DOK6: variants seen among roughly 807,000 people sequenced by gnomAD.
DOK6 encodes the protein docking protein 6.
Under a neutral mutation model 44.0 loss-of-function variants are expected in DOK6, and 22 were observed. The ratio of observed to expected loss-of-function variants is 0.50; its 90% CI spans 0.36 to 0.71. The LOEUF is 0.71. Ranked by LOEUF, DOK6 falls within the 30% of genes least tolerant of loss-of-function variation. DOK6 has a pLI of 0.00. For synonymous variants in DOK6, 166 were observed against 145.5 expected (o/e 1.14, Z -1.01); for missense variants, 340 against 416.4 (o/e 0.82, Z 1.60).
chr18:69,425,807 C>G (rs750514472), intron 1 of DOK6, among the ~76,000 whole-genome samples: 4 of 151,958 alleles, frequency 2.6e-5, no homozygotes, highest in Non-Finnish European at 4.4e-5. Flanking sequence ...CTTTATTTCA[C>G]TATCTGTATA....
intron 1 of DOK6, among the ~76,000 whole-genome samples, chr18:69,515,873 A>G (rs1473941403): frequency 6.9e-6 from 1 of 145,450 alleles, no homozygotes; most frequent in African/African-American, 2.5e-5. Flanking sequence ...AGGATGTTTC[A>G]GCATTTTCAA....
chr18:69,560,628 T>C (rs1269213196), intron 1 of DOK6, among the ~76,000 whole-genome samples: 1 of 152,140 alleles, frequency 6.6e-6, no homozygotes, highest in Non-Finnish European at 1.5e-5. Flanking sequence ...AAAGTACATG[T>C]AAATACCCAT....
chr18:69,495,611 A>G (rs1387063422), intron 1 of DOK6, among the ~76,000 whole-genome samples: 1 of 152,138 alleles, frequency 6.6e-6, no homozygotes, highest in Non-Finnish European at 1.5e-5. Context: ...AGGCACCACA[A>G]GTTCCCACTC....
At chr18:69,478,516 G>C (rs959562847) in intron 1 of DOK6, among the ~76,000 whole-genome samples, 9 of 151,844 alleles carry the variant, frequency 5.9e-5, no homozygotes, top group African/African-American at 2.2e-4. Context: ...AATAGTTAAT[G>C]TTCTAGTTTC....
chr18:69,679,855 T>G (rs1813272306), intron 4 of DOK6, among the ~76,000 whole-genome samples: 1 of 152,142 alleles, frequency 6.6e-6, no homozygotes, highest in African/African-American at 2.4e-5. Flanking sequence ...TAAAGAGAAA[T>G]TTTTAATATA....
Position 69,564,513 on chromosome 18 carries a change from C to G in DOK6, c.93C>G (p.Phe31Leu). The G allele has an allele frequency of 1.2e-6, 2 of 1,613,760 alleles. No individual in the cohort carries two copies. Among genetic ancestry groups the G allele is most frequent in the South Asian group, 1.1e-5 (1 of 91,000 alleles). ...LGIFRRCWLV[F>L]KKASSKGPRR... The stretch of plus-strand genomic sequence containing the variant: ...TTTTCAGACGATGCTGGTTGGTTTT[C>G]AAGAAGGCTTCTAGCAAAGGACCCA... Residue 31 changes from phenylalanine to leucine, a missense_variant, in exon 2 of 8, where the codon TTC becomes TTG. Around this residue, in one of 3 missense-constraint regions of DOK6, gnomAD observed 206 missense variants for 258.6 expected, o/e 0.80. Transcript: ENST00000382713.
chr18:69,499,078 C>T (rs559982069), intron 1 of DOK6, among the ~76,000 whole-genome samples: 5 of 152,112 alleles, frequency 3.3e-5, no homozygotes, highest in South Asian at 2.1e-4. Context: ...TATTACATTT[C>T]GCAATGGTAT....
At chr18:69,774,158 T>TATATATATATATATATATATAAA (rs1979990471) in intron 7 of DOK6, among the ~76,000 whole-genome samples, 2 of 36,212 alleles carry the variant, frequency 5.5e-5, no homozygotes, top group Non-Finnish European at 2.2e-4. Context: ...ATATATATAA[T>TATATATATATATATATATATAAA]GTAATACTAC....
intron 5 of DOK6, among the ~76,000 whole-genome samples, chr18:69,718,313 G>A (rs573097511): frequency 3.3e-5 from 5 of 152,188 alleles, no homozygotes; most frequent in African/African-American, 9.6e-5. Flanking sequence ...TATTAAACTC[G>A]GATCCTAAGT....
At chr18:69,444,341 T>C (rs1948549046) in intron 1 of DOK6, among the ~76,000 whole-genome samples, 1 of 152,154 alleles carries the variant, frequency 6.6e-6, no homozygotes, top group Non-Finnish European at 1.5e-5. Flanking sequence ...TAAAGAAACG[T>C]TGTGGATGTA....
At chr18:69,506,890 CAT>C (rs1300179273) in intron 1 of DOK6, among the ~76,000 whole-genome samples, 2 of 151,644 alleles carry the variant, frequency 1.3e-5, no homozygotes, top group South Asian at 2.1e-4. Context: ...CACACACACA[CAT>C]ATGTACATAT....
At chr18:69,770,769 C>G (rs1304195071) in intron 7 of DOK6, among the ~76,000 whole-genome samples, 1 of 152,020 alleles carries the variant, frequency 6.6e-6, no homozygotes, top group East Asian at 1.9e-4. Flanking sequence ...CTCATTTCAA[C>G]TTCTTTAGAA....
At chr18:69,726,449 C>G (rs867257574) in intron 5 of DOK6, among the ~76,000 whole-genome samples, 30 of 152,212 alleles carry the variant, frequency 2.0e-4, no homozygotes, top group African/African-American at 7.0e-4. Context: ...TTGTTAGCCT[C>G]CAAATTCAAA....
At chr18:69,700,478 C>T (rs1295268581) in intron 5 of DOK6, among the ~76,000 whole-genome samples, 1 of 151,986 alleles carries the variant, frequency 6.6e-6, no homozygotes, top group African/African-American at 2.4e-5. Context: ...ATTTTCACTC[C>T]ATTTATACCT....
In DOK6 at chr18:69,848,849, T is replaced by G. The variant is rs977347031; in HGVS notation, c.*7466T>G. 1.3e-5 allele frequency: 2 copies of G among 152,238 alleles called. No homozygotes were observed. Among genetic ancestry groups the G allele is most frequent in the African/African-American group, 4.8e-5 (2 of 41,470 alleles). The allele number at this position is 152,238 out of a possible 1,614,324, so 9.4% of individuals were successfully genotyped here. A position where few individuals can be genotyped will look rare whatever the true frequency, so the allele number is the denominator to read the frequency against. ...TACTACTTTACATCACAACTTTGCA[T>G]GGCTGAGATTTTGAACAACTAAATT... On this transcript the variant is annotated 3_prime_UTR_variant, in exon 8 of 8. Transcript: ENST00000382713.
intron 7 of DOK6, among the ~76,000 whole-genome samples, chr18:69,758,666 A>G (rs1255600607): frequency 3.9e-5 from 6 of 152,260 alleles, no homozygotes; most frequent in Non-Finnish European, 8.8e-5. Flanking sequence ...AATAAGGCTG[A>G]AACACACACA....
At chr18:69,841,142 C>G in intron 7 of DOK6, 102 bp from the exon 8 acceptor site, 2 of 1,452,206 alleles carry the variant, frequency 1.4e-6, no homozygotes, top group Non-Finnish European at 1.9e-6. Context: ...GTTTATTGTT[C>G]TTAAAAATAT....
intron 7 of DOK6, among the ~76,000 whole-genome samples, chr18:69,792,787 T>G (rs2145098841): frequency 6.6e-6 from 1 of 152,216 alleles, no homozygotes; most frequent in East Asian, 1.9e-4. Context: ...CTTTGAACCT[T>G]GTAATTGCAA....
chr18:69,470,094 C>T (rs1374586412), intron 1 of DOK6: 1 of 159,594 alleles, frequency 6.3e-6, no homozygotes, highest in African/African-American at 2.4e-5. Context: ...CATTATGATC[C>T]TTTCCGGCTG....
Sources: gnomAD v4.1 joint callset for allele counts (sites outside exome capture counted in the v4.1 genomes callset) on GRCh38, gnomAD v4.1.1 for gene constraint, gnomAD v4.1.1 regional missense constraint, MANE v1.5 for transcripts, NCBI Gene and HGNC (gene_info 2026-07-23, HGNC 2026-07-21) for gene names.